RALYL: variants seen among roughly 807,000 people sequenced by gnomAD.
RALYL encodes the protein RALY RNA binding protein like.
In RALYL, 29 loss-of-function variants were observed where a neutral mutation model predicts 35.1. The observed-to-expected ratio is 0.83, with a 90% CI of 0.61 to 1.13. RALYL has a LOEUF of 1.13. RALYL is among the 50% of genes most tolerant of loss of function. The pLI, the probability that RALYL is intolerant of heterozygous loss-of-function variation, is 0.00. For synonymous variants in RALYL, 120 were observed against 127.6 expected (o/e 0.94, Z 0.40); for missense variants, 359 against 360.4 (o/e 1.00, Z 0.03).
At chr8:84,845,176 G>T (rs773183364) in intron 4 of RALYL, among the ~76,000 whole-genome samples, 2 of 152,030 alleles carry the variant, frequency 1.3e-5, no homozygotes, top group African/African-American at 4.8e-5. Context: ...AGCTTATTTG[G>T]TTACATCTGA....
At chr8:84,873,211 T>C (rs1160944621) in intron 6 of RALYL, 73 bp from the exon 7 acceptor site, 19 of 735,520 alleles carry the variant, frequency 2.6e-5, no homozygotes, top group Non-Finnish European at 4.3e-5. Context: ...ACGGGGTCCC[T>C]GTGAGTTCGG....
At chr8:84,692,452 T>G (rs1040323983) in intron 2 of RALYL, among the ~76,000 whole-genome samples, 2 of 152,030 alleles carry the variant, frequency 1.3e-5, no homozygotes, top group Non-Finnish European at 1.5e-5. Context: ...ACAATTCTAA[T>G]GTTTCAGCAT....
intron 1 of RALYL, among the ~76,000 whole-genome samples, chr8:84,230,894 CCT>C (rs1244504996): frequency 1.3e-5 from 2 of 152,182 alleles, no homozygotes; most frequent in Non-Finnish European, 2.9e-5. Context: ...TAGGCCTAGG[CCT>C]CTCTGATTTC....
Position 84,497,956 on chromosome 8 carries a change from AG to A in RALYL, c.-23-31342del, listed in dbSNP as rs1213778411. ...ACGCCCAGCCTAAGGTTGCTTTTTA[AG>A]TTTTTTTTTTTTTTGTTTTCAACTT... On this transcript the variant is annotated intron_variant, in intron 1 of 8. Coordinates refer to ENST00000521268, the MANE Select transcript of RALYL (RefSeq NM_173848.7). Among the ~76,000 whole-genome samples, 38 of 19,346 alleles carry A rather than the reference AG, an allele frequency of 2.0e-3. No homozygotes were observed. The East Asian group carries it at 0.08, about 41-fold the overall frequency. 12.7% of individuals were successfully genotyped at this position (19,346 alleles called of 152,430 possible). A position where few individuals can be genotyped will look rare whatever the true frequency, so the allele number is the denominator to read the frequency against.
chr8:84,886,394 TG>T (rs1286855415), intron 7 of RALYL, among the ~76,000 whole-genome samples: 1 of 152,068 alleles, frequency 6.6e-6, no homozygotes, highest in Admixed American at 6.6e-5. Flanking sequence ...TCTCACGTTA[TG>T]AAAAAGACCA....
intron 2 of RALYL, among the ~76,000 whole-genome samples, chr8:84,631,619 G>A (rs1204584574): frequency 6.6e-6 from 1 of 151,306 alleles, no homozygotes; most frequent in Non-Finnish European, 1.5e-5. Flanking sequence ...TTTTTGATAT[G>A]AAGATCTGTA....
intron 1 of RALYL, among the ~76,000 whole-genome samples, chr8:84,268,489 T>C (rs1833724090): frequency 6.6e-6 from 1 of 152,208 alleles, no homozygotes; most frequent in African/African-American, 2.4e-5. Flanking sequence ...ACATAATAAA[T>C]AGTAATATTA....
chr8:84,798,466 T>C (rs1353711274), intron 3 of RALYL, among the ~76,000 whole-genome samples: 1 of 152,254 alleles, frequency 6.6e-6, no homozygotes, highest in African/African-American at 2.4e-5. Flanking sequence ...GGTCTACTAT[T>C]ATTTCCATTT....
intron 1 of RALYL, among the ~76,000 whole-genome samples, chr8:84,469,633 A>C (rs1023852755): frequency 5.3e-5 from 8 of 152,268 alleles, no homozygotes; most frequent in Non-Finnish European, 7.4e-5. Context: ...CCTACAGAGG[A>C]AAGCAGGCCT....
intron 1 of RALYL, among the ~76,000 whole-genome samples, chr8:84,240,940 T>C (rs1305767180): frequency 6.6e-6 from 1 of 152,172 alleles, no homozygotes; most frequent in East Asian, 1.9e-4. Flanking sequence ...CCTCATTCCC[T>C]ACCTCCCTTG....
chr8:84,724,562 C>T (rs1844595736), intron 2 of RALYL, among the ~76,000 whole-genome samples: 1 of 151,736 alleles, frequency 6.6e-6, no homozygotes, highest in African/African-American at 2.4e-5. Context: ...TCACTTTTGG[C>T]CCACAGTCAC....
intron 8 of RALYL, among the ~76,000 whole-genome samples, chr8:84,909,434 C>A (rs1325667942): frequency 6.6e-6 from 1 of 152,092 alleles, no homozygotes; most frequent in Admixed American, 6.6e-5. Context: ...GAAATAGATA[C>A]AAATAATTTT....
intron 8 of RALYL, among the ~76,000 whole-genome samples, chr8:84,915,069 CCTCA>C (rs1253281910): frequency 6.6e-6 from 1 of 152,014 alleles, no homozygotes; most frequent in Admixed American, 6.6e-5. Context: ...CAAGAACCTA[CCTCA>C]CTGATTTATA....
chr8:84,689,849 T>C (rs1363837077), intron 2 of RALYL, among the ~76,000 whole-genome samples: 1 of 152,170 alleles, frequency 6.6e-6, no homozygotes, highest in African/African-American at 2.4e-5. Flanking sequence ...GATTTTTTCA[T>C]GTGCTTTTTG....
intron 1 of RALYL, among the ~76,000 whole-genome samples, chr8:84,307,867 C>CA (rs149596525): frequency 0.011 from 1,730 of 151,596 alleles, 37 homozygotes; most frequent in Admixed American, 0.06. Flanking sequence ...TTGTTTCTCA[C>CA]AAAAAAAGGG....
chr8:84,460,685 T>C (rs1001729193), intron 1 of RALYL, among the ~76,000 whole-genome samples: 2 of 151,674 alleles, frequency 1.3e-5, no homozygotes, highest in Non-Finnish European at 3.0e-5. Context: ...TAGTTGCTGA[T>C]GAGAAGTTGG....
intron 2 of RALYL, among the ~76,000 whole-genome samples, chr8:84,627,599 G>A (rs1176186282): frequency 6.7e-6 from 1 of 150,230 alleles, no homozygotes; most frequent in Non-Finnish European, 1.5e-5. Context: ...TGCATTTCTG[G>A]CCACTCTTTC....
At chr8:84,292,550 C>A (rs980349965) in intron 1 of RALYL, among the ~76,000 whole-genome samples, 11 of 151,946 alleles carry the variant, frequency 7.2e-5, no homozygotes, top group African/African-American at 2.7e-4. Flanking sequence ...GATAGGAGGT[C>A]AACACAAAAT....
intron 5 of RALYL, among the ~76,000 whole-genome samples, chr8:84,855,321 G>T (rs1438743888): frequency 6.6e-6 from 1 of 152,138 alleles, no homozygotes; most frequent in Non-Finnish European, 1.5e-5. Flanking sequence ...ACTAACATAT[G>T]TCCACATTAT....
Sources: gnomAD v4.1 joint callset for allele counts (sites outside exome capture counted in the v4.1 genomes callset) on GRCh38, gnomAD v4.1.1 for gene constraint, MANE v1.5 for transcripts, NCBI Gene and HGNC (gene_info 2026-07-23, HGNC 2026-07-21) for gene names.